EXOC6B: variants seen among roughly 807,000 people sequenced by gnomAD.
The protein encoded by EXOC6B is SEC15 homolog B.
In EXOC6B, 54 loss-of-function variants were observed where a neutral mutation model predicts 113.5. The ratio of observed to expected loss-of-function variants is 0.48; its 90% CI spans 0.38 to 0.60. EXOC6B has a LOEUF of 0.60. EXOC6B is among the 20% of genes least tolerant of loss of function. The pLI, the probability that EXOC6B is intolerant of heterozygous loss-of-function variation, is 0.00. For synonymous variants in EXOC6B, 357 were observed against 339.0 expected, an observed-to-expected ratio of 1.05 and a Z score of -0.58; for missense variants, 797 against 977.5, an observed-to-expected ratio of 0.82 and a Z score of 2.46.
chr2:72,664,405 G>A (rs777248752), intron 6 of EXOC6B, among the ~76,000 whole-genome samples: 12 of 152,256 alleles, frequency 7.9e-5, no homozygotes, highest in Admixed American at 1.3e-4. Context: ...CTAGGGAAGC[G>A]GGGAGTGACA....
chr2:72,231,425 AATCAGAATAGAACAATAAGAGAAATTCTT>A (rs1343680338), intron 20 of EXOC6B, among the ~76,000 whole-genome samples: 1 of 152,228 alleles, frequency 6.6e-6, no homozygotes. Flanking sequence ...TGTGAATCAG[AATCAGAATAGAACAATAAGAGAAATTCTT>A]ATTCTTTTTG....
chr2:72,357,516 C>T (rs926805435), intron 19 of EXOC6B, among the ~76,000 whole-genome samples: 16 of 152,102 alleles, frequency 1.1e-4, no homozygotes, highest in African/African-American at 3.4e-4. Context: ...CATGGTGAAA[C>T]CTTGTCTCTA....
intron 5 of EXOC6B, 79 bp downstream of exon 5, chr2:72,730,927 TG>T: frequency 1.1e-6 from 1 of 949,938 alleles, no homozygotes; most frequent in South Asian, 1.9e-5. Context: ...TGAAAAGTTA[TG>T]CTAAATATGG....
Position 72,618,400 on chromosome 2 carries a change from C to T in EXOC6B, c.670-42732G>A, listed in dbSNP as rs115269550. 3.1e-3 allele frequency among the ~76,000 whole-genome samples: 470 copies of T among 152,022 alleles called. 2 individuals are homozygous for T. The highest frequency in any genetic ancestry group is 6.8e-3 in the Middle Eastern group (2 of 292). Reference sequence around the variant, plus strand: ...AAAGAAAAGAAAAGAAAAGAAATCCCTTCATATTATTGTGTTCTGAGAAAA... The same window carrying T: ...AAAGAAAAGAAAAGAAAAGAAATCCTTTCATATTATTGTGTTCTGAGAAAA... On this transcript the variant is annotated intron_variant, in intron 6 of 21. Transcript: ENST00000272427.
At chr2:72,561,030 C>A (rs1319973037) in intron 7 of EXOC6B, among the ~76,000 whole-genome samples, 1 of 151,952 alleles carries the variant, frequency 6.6e-6, no homozygotes, top group Non-Finnish European at 1.5e-5. Context: ...ATTTTAGGCA[C>A]CCTTATTTGA....
chr2:72,256,453 C>T (rs575330977), intron 20 of EXOC6B, among the ~76,000 whole-genome samples: 63 of 152,140 alleles, frequency 4.1e-4, no homozygotes, highest in Middle Eastern at 3.2e-3. Context: ...GCAATTGCTG[C>T]TTCAGGGTAG....
At chr2:72,395,193 T>C (rs1048522756) in intron 18 of EXOC6B, among the ~76,000 whole-genome samples, 3 of 152,176 alleles carry the variant, frequency 2.0e-5, no homozygotes, top group Non-Finnish European at 4.4e-5. Flanking sequence ...ATAATCTCAA[T>C]TGTTTATTCA....
chr2:72,498,603 T>C, intron 12 of EXOC6B, 52 bp from the exon 13 acceptor site: 1 of 1,318,158 alleles, frequency 7.6e-7, no homozygotes, highest in Non-Finnish European at 1.0e-6. Flanking sequence ...AGTTTTTTTT[T>C]CGGTTTTTTT....
chr2:72,557,749 C>A (rs927208223), intron 8 of EXOC6B, among the ~76,000 whole-genome samples: 12 of 151,742 alleles, frequency 7.9e-5, no homozygotes, highest in African/African-American at 2.9e-4. Context: ...TACAACAAAC[C>A]CCCGTGACAT....
intron 18 of EXOC6B, 89 bp from the exon 19 acceptor site, chr2:72,379,959 C>A: frequency 7.8e-7 from 1 of 1,286,628 alleles, no homozygotes; most frequent in South Asian, 1.6e-5. Context: ...ACTTCTTTTT[C>A]AATTAGGAAT....
intron 6 of EXOC6B, among the ~76,000 whole-genome samples, chr2:72,689,276 CT>C (rs1282176406): frequency 6.6e-6 from 1 of 152,128 alleles, no homozygotes; most frequent in Non-Finnish European, 1.5e-5. Flanking sequence ...CCAGAGCATC[CT>C]TTTAGGTTAC....
chr2:72,615,608 A>T (rs986353100), intron 6 of EXOC6B, among the ~76,000 whole-genome samples: 1 of 151,066 alleles, frequency 6.6e-6, no homozygotes, highest in African/African-American at 2.4e-5. Context: ...AAAAAAAACC[A>T]CTGTGTGGCC....
chr2:72,787,274 C>G (rs1311795081), intron 1 of EXOC6B, among the ~76,000 whole-genome samples: 52 of 151,862 alleles, frequency 3.4e-4, no homozygotes, highest in Admixed American at 3.1e-3. Context: ...TGTGGTGGCG[C>G]AATCTCGGCT....
chr2:72,525,697 A>G (rs974836983), intron 8 of EXOC6B, among the ~76,000 whole-genome samples: 1 of 152,172 alleles, frequency 6.6e-6, no homozygotes, highest in Admixed American at 6.5e-5. Context: ...TTTTAATATA[A>G]AACAAATAAG....
chr2:72,513,089 T>C (rs747479638), intron 11 of EXOC6B, 43 bp downstream of exon 11: 7 of 1,605,926 alleles, frequency 4.4e-6, no homozygotes, highest in South Asian at 1.1e-5. Context: ...AATATATAGA[T>C]AATCAGCTCT....
At chr2:72,272,720 T>C (rs1325582641) in intron 20 of EXOC6B, among the ~76,000 whole-genome samples, 2 of 152,158 alleles carry the variant, frequency 1.3e-5, no homozygotes, top group Non-Finnish European at 2.9e-5. Context: ...ATTTTGAGAC[T>C]GAGAGTTGGC....
At chr2:72,388,675 T>A (rs1194051106) in intron 18 of EXOC6B, among the ~76,000 whole-genome samples, 2 of 152,184 alleles carry the variant, frequency 1.3e-5, no homozygotes, top group African/African-American at 4.8e-5. Flanking sequence ...GCTGCAATTA[T>A]GAATTTGTCT....
chr2:72,211,697 T>C (rs1207448862), intron 20 of EXOC6B, among the ~76,000 whole-genome samples: 1 of 152,234 alleles, frequency 6.6e-6, no homozygotes, highest in Non-Finnish European at 1.5e-5. Flanking sequence ...CTAATTCCCA[T>C]GGTAAATTTG....
chr2:72,403,288 C>G (rs1438134587), intron 18 of EXOC6B, among the ~76,000 whole-genome samples: 1 of 152,174 alleles, frequency 6.6e-6, no homozygotes, highest in Non-Finnish European at 1.5e-5. Context: ...CACTGCTCAT[C>G]ACTTTTCTGG....
Sources: allele counts gnomAD v4.1 joint callset (sites outside exome capture counted in the v4.1 genomes callset), GRCh38; gene constraint gnomAD v4.1.1; transcripts MANE v1.5; gene names NCBI Gene and HGNC (gene_info 2026-07-23, HGNC 2026-07-21).